Variants in MEGF6 observed in about 807,000 individuals in gnomAD.
MEGF6 encodes the protein multiple EGF like domains 6.
Under a neutral mutation model 207.1 loss-of-function variants are expected in MEGF6, and 184 were observed. The ratio of observed to expected loss-of-function variants is 0.89; its 90% CI spans 0.79 to 1.00. The LOEUF (loss-of-function observed/expected upper bound fraction) is 1.00, where lower values mean the gene tolerates loss of function less well. Ranked by LOEUF, MEGF6 falls within the 50% of genes least tolerant of loss-of-function variation. The pLI, the probability that MEGF6 is intolerant of heterozygous loss-of-function variation, is 0.00. For missense variants in MEGF6, 2,282 were observed against 2,202.9 expected, an observed-to-expected ratio of 1.04 and a Z score of -0.72; for synonymous variants, 1,038 against 910.0, an observed-to-expected ratio of 1.14 and a Z score of -2.53.
At chr1:3,542,003 G>A (rs906025281) in intron 4 of MEGF6, among the ~76,000 whole-genome samples, 1 of 152,212 alleles carries the variant, frequency 6.6e-6, no homozygotes, top group Non-Finnish European at 1.5e-5. Context: ...CTGAGAGCCG[G>A]GTCCGGCACC....
intron 3 of MEGF6, among the ~76,000 whole-genome samples, chr1:3,593,451 C>T (rs1369639034): frequency 3.3e-5 from 5 of 149,984 alleles, no homozygotes; most frequent in Non-Finnish European, 7.4e-5. Flanking sequence ...CCCAGGACCC[C>T]AGGCCCAGGG....
At chr1:3,601,184 A>T (rs75465985) in intron 2 of MEGF6, among the ~76,000 whole-genome samples, 1 of 152,136 alleles carries the variant, frequency 6.6e-6, no homozygotes, top group Non-Finnish European at 1.5e-5. Flanking sequence ...TAGCGAGGGG[A>T]CTTCCTCAGC....
intron 12 of MEGF6, 84 bp from the exon 13 acceptor site, chr1:3,508,773 A>C: frequency 5.2e-6 from 8 of 1,536,078 alleles, no homozygotes; most frequent in Non-Finnish European, 7.1e-6. Flanking sequence ...CCCTCAGGCC[A>C]GGGAAGGGGC....
intron 4 of MEGF6, among the ~76,000 whole-genome samples, chr1:3,557,920 A>G (rs998578870): frequency 6.6e-6 from 1 of 152,190 alleles, no homozygotes; most frequent in Non-Finnish European, 1.5e-5. Context: ...GGAAACAAAC[A>G]TCGAAAGCTC....
chr1:3,608,863 G>A (rs1644288336), intron 1 of MEGF6, among the ~76,000 whole-genome samples: 1 of 152,196 alleles, frequency 6.6e-6, no homozygotes, highest in Non-Finnish European at 1.5e-5. Flanking sequence ...ATTCACTTTG[G>A]AGTGACCTGA....
intron 4 of MEGF6, among the ~76,000 whole-genome samples, chr1:3,540,619 C>T (rs913041133): frequency 6.6e-6 from 1 of 152,258 alleles, no homozygotes; most frequent in African/African-American, 2.4e-5. Context: ...TTACAAACCC[C>T]TGGATGTATG....
intron 4 of MEGF6, among the ~76,000 whole-genome samples, chr1:3,566,333 C>T (rs1392235382): frequency 2.6e-5 from 4 of 152,222 alleles, no homozygotes; most frequent in Non-Finnish European, 4.4e-5. Context: ...GCATGGGTAT[C>T]GCCCCAGGAA....
chr1:3,505,061 A>C (rs960797072), intron 17 of MEGF6, 147 bp downstream of exon 17: 80 of 1,052,866 alleles, frequency 7.6e-5, no homozygotes, highest in Middle Eastern at 5.2e-4. Flanking sequence ...TAGCAAGGCA[A>C]CACCGGTAGC....
At position 3,569,217 on chromosome 1, in the gene MEGF6, AGGGACAGCCTCT is replaced by A. The variant is rs1363967525; in HGVS notation, c.481+10596_481+10607del. ...TCAAAGATGCAGGACCCAAAGAAGC[AGGGACAGCCTCT>A]GGGACCCATCACAGGGCACCCAGGC... On this transcript the variant is annotated intron_variant, in intron 4 of 36. Coordinates refer to ENST00000356575, the MANE Select transcript of MEGF6 (RefSeq NM_001409.4). Among the ~76,000 whole-genome samples the A allele has an allele frequency of 3.3e-5, 5 of 152,252 alleles. No homozygotes were observed. The East Asian group carries it at 7.7e-4, about 23-fold the overall frequency.
intron 3 of MEGF6, among the ~76,000 whole-genome samples, chr1:3,590,402 C>A (rs1435011592): frequency 6.6e-6 from 1 of 152,216 alleles, no homozygotes; most frequent in African/African-American, 2.4e-5. Flanking sequence ...GGACACCCCC[C>A]CAGCAAGAGG....
intron 4 of MEGF6, among the ~76,000 whole-genome samples, chr1:3,538,343 C>T (rs1183566490): frequency 6.6e-6 from 1 of 152,206 alleles, no homozygotes. Context: ...CACCCGGCCT[C>T]AGAGCACACA....
intron 35 of MEGF6, among the ~76,000 whole-genome samples, chr1:3,491,180 C>G (rs1013388230): frequency 2.6e-5 from 4 of 152,074 alleles, no homozygotes; most frequent in African/African-American, 4.8e-5. Context: ...CCCCTCCAAG[C>G]CTCTACTACC....
intron 6 of MEGF6, 93 bp from the exon 7 acceptor site, chr1:3,514,765 C>T: frequency 7.4e-7 from 1 of 1,349,206 alleles, no homozygotes; most frequent in Non-Finnish European, 9.9e-7. Context: ...ACCCCTCACC[C>T]AGTGCTCTCC....
intron 4 of MEGF6, among the ~76,000 whole-genome samples, chr1:3,537,460 G>C: frequency 6.6e-6 from 1 of 152,242 alleles, no homozygotes; most frequent in East Asian, 1.9e-4. Flanking sequence ...GTGGAGCGGC[G>C]ATCACCACCG....
At chr1:3,507,315 C>T (rs1332422994) in intron 14 of MEGF6, among the ~76,000 whole-genome samples, 6 of 152,164 alleles carry the variant, frequency 3.9e-5, no homozygotes, top group Non-Finnish European at 7.3e-5. Flanking sequence ...CTTTAGCCAC[C>T]TGGGAAACAT....
the MEGF6 span, among the ~76,000 whole-genome samples, chr1:3,617,323 C>T: frequency 1.3e-5 from 2 of 149,372 alleles, no homozygotes; most frequent in East Asian, 4.0e-4. Context: ...TGAAGAGTGG[C>T]CTCCAAAGAC....
intron 17 of MEGF6, 45 bp from the exon 18 acceptor site, chr1:3,501,966 G>A (rs1416741252): frequency 2.0e-6 from 3 of 1,509,822 alleles, no homozygotes; most frequent in African/African-American, 1.6e-5. Flanking sequence ...CACGTGGAGT[G>A]GACTGACCAG....
At chr1:3,615,114 A>G (rs1303738724), upstream of MEGF6, among the ~76,000 whole-genome samples, 1 of 152,192 alleles carries the variant, frequency 6.6e-6, no homozygotes, top group Non-Finnish European at 1.5e-5. Flanking sequence ...ATTCTTCCAA[A>G]TGAATTTTGG....
chr1:3,578,606 C>G (rs998567465), intron 4 of MEGF6, among the ~76,000 whole-genome samples: 2 of 152,234 alleles, frequency 1.3e-5, no homozygotes, highest in African/African-American at 4.8e-5. Context: ...AGCAGCCCTC[C>G]CAGCCACCCA....
Sources: allele counts gnomAD v4.1 joint callset (sites outside exome capture counted in the v4.1 genomes callset), GRCh38; gene constraint gnomAD v4.1.1; transcripts MANE v1.5; gene names NCBI Gene and HGNC (gene_info 2026-07-23, HGNC 2026-07-21).